The following RCOR1 variants were observed in gnomAD, a reference collection of about 807,000 sequenced individuals.
RCOR1 encodes REST corepressor.
RCOR1 carries 12 observed loss-of-function variants against 64.0 expected under a neutral mutation model. The observed-to-expected ratio is 0.19, with a 90% confidence interval of 0.12 to 0.30. RCOR1 has a LOEUF of 0.30. RCOR1 is among the 10% of genes least tolerant of loss of function. The pLI is 1.00. For missense variants in RCOR1, 502 were observed against 621.2 expected (o/e 0.81, Z 2.04); for synonymous variants, 279 against 227.2 (o/e 1.23, Z -2.05).
chr14:102,729,436 G>C lies in RCOR1; in HGVS notation c.*2930G>C, dbSNP rs569035210. The C allele has an allele frequency of 1.9e-5, 3 of 155,014 alleles. No individual in the cohort carries two copies. Among genetic ancestry groups the C allele is most frequent in the Non-Finnish European group, 4.3e-5 (3 of 69,722 alleles). The allele number at this position is 155,014 out of a possible 1,614,324, so 9.6% of individuals were successfully genotyped here. On this transcript the variant is annotated 3_prime_UTR_variant, in exon 12 of 12. Transcript: ENST00000262241. The stretch of plus-strand genomic sequence containing the variant: ...TACATTAGTGTTGGCACACAGTCGG[G>C]TGCTAGTGTAACACAAATGCCGCGT...
intron 3 of RCOR1, among the ~76,000 whole-genome samples, chr14:102,685,335 A>C (rs138384467): frequency 2.0e-5 from 3 of 151,954 alleles, no homozygotes; most frequent in African/African-American, 7.3e-5. Flanking sequence ...ACTAGTATGG[A>C]TGTATCATAA....
intron 2 of RCOR1, among the ~76,000 whole-genome samples, chr14:102,609,698 C>T (rs973346884): frequency 1.1e-4 from 17 of 151,740 alleles, no homozygotes; most frequent in Admixed American, 7.9e-4. Context: ...CTGCCTGTCT[C>T]GGCCTCCCAA....
intron 4 of RCOR1, among the ~76,000 whole-genome samples, chr14:102,704,067 C>A (rs1895801645): frequency 6.6e-6 from 1 of 152,220 alleles, no homozygotes; most frequent in Admixed American, 6.5e-5. Flanking sequence ...GGAGAAAGCT[C>A]CTCTTATCCA....
Position 102,708,546 on chromosome 14 carries a change from C to T in RCOR1, c.742C>T (p.Arg248Cys), listed in dbSNP as rs1895900693. The T allele has an allele frequency of 3.1e-6, 5 of 1,612,094 alleles. No individual in the cohort carries two copies. Among genetic ancestry groups the T allele is most frequent in the Non-Finnish European group, 4.2e-6 (5 of 1,178,532 alleles). Residue 248 changes from arginine to cysteine, a missense_variant, in exon 6 of 12, where the codon CGC (arginine) becomes TGC (cysteine). Arg to Cys is a radical substitution (Grantham distance 180). Around this residue, in one of 2 missense-constraint regions of RCOR1, gnomAD observed 260 missense variants for 416.4 expected, o/e 0.62. Transcript: ENST00000262241. ...KTRTKTSVMD[R>C]HARKQKRERE... is the part of the protein sequence containing the mutation. Reference sequence around the variant, plus strand: ...GAGGACTAAAACTAGTGTGATGGATCGCCATGCCCGGAAACAAAAACGGGA... The same window carrying T: ...GAGGACTAAAACTAGTGTGATGGATTGCCATGCCCGGAAACAAAAACGGGA...
At position 102,693,856 on chromosome 14, in the gene RCOR1, C is replaced by CT. The variant is rs535853423; in HGVS notation, c.446-7412dup. Among the ~76,000 whole-genome samples, 59 of 148,234 alleles carry CT rather than the reference C, an allele frequency of 4.0e-4. No homozygotes were observed. In the South Asian group the frequency reaches 4.9e-3, roughly 12 times the overall value. Reference sequence around the variant, plus strand: ...TTATCCATCACCTTAAGCATTTATGCTTTTTTTTTTAATCTTAAGAAATGG... The same window carrying CT: ...TTATCCATCACCTTAAGCATTTATGCTTTTTTTTTTTAATCTTAAGAAATGG... On this transcript the variant is annotated intron_variant, in intron 3 of 11. Coordinates refer to ENST00000262241, the MANE Select transcript of RCOR1 (RefSeq NM_015156.4).
intron 2 of RCOR1, among the ~76,000 whole-genome samples, chr14:102,598,075 G>A (rs1298000063): frequency 6.6e-6 from 1 of 152,136 alleles, no homozygotes; most frequent in Non-Finnish European, 1.5e-5. Flanking sequence ...GCCTGCCTTG[G>A]CCTCCCAGAG....
chr14:102,597,955 C>G (rs532435881), intron 2 of RCOR1, among the ~76,000 whole-genome samples: 82 of 151,780 alleles, frequency 5.4e-4, no homozygotes, highest in African/African-American at 1.9e-3. Context: ...CCCGAGTAGC[C>G]GGGATTACAG....
chr14:102,721,137 A>G (rs1166479030), intron 9 of RCOR1, 53 bp downstream of exon 9: 1 of 1,213,064 alleles, frequency 8.2e-7, no homozygotes, highest in Non-Finnish European at 1.2e-6. Context: ...TTACATGTTT[A>G]AGAATTTAAT....
rs66743592 is a variant in RCOR1, at chr14:102,602,394, CTT to C, written c.361+9087_361+9088del. On this transcript the variant is annotated intron_variant, in intron 2 of 11. Transcript: ENST00000262241. ...GCATTTTTTTCTTTTCTTTTCTTTT[CTT>C]TTTTTTTTTTTTTTTTTGGAGATGG... Among the ~76,000 whole-genome samples the C allele has an allele frequency of 5.9e-3, 612 of 104,200 alleles. 4 individuals are homozygous for C. Among genetic ancestry groups the C allele is most frequent in the African/African-American group, 0.021 (575 of 26,908 alleles). 68.4% of individuals were successfully genotyped at this position (104,200 alleles called of 152,430 possible).
At chr14:102,649,867 G>A in intron 2 of RCOR1, 1 of 796,138 alleles carries the variant, frequency 1.3e-6, no homozygotes, top group Non-Finnish European at 1.5e-6. Context: ...ACTTGGTTGT[G>A]TATGAAGGCA....
intron 2 of RCOR1, among the ~76,000 whole-genome samples, chr14:102,679,200 C>T (rs1254892527): frequency 6.6e-6 from 1 of 152,042 alleles, no homozygotes; most frequent in East Asian, 1.9e-4. Context: ...AATCCAAGGT[C>T]AAAAAGATTT....
At position 102,672,850 on chromosome 14, in the gene RCOR1, A is replaced by G. The variant is rs78108544; in HGVS notation, c.362-9045A>G. 2.7e-4 allele frequency among the ~76,000 whole-genome samples: 41 copies of G among 152,326 alleles called. No individual in the cohort carries two copies. In the East Asian group the frequency reaches 6.7e-3, roughly 25 times the overall value. On this transcript the variant is annotated intron_variant, in intron 2 of 11. Coordinates refer to ENST00000262241, the MANE Select transcript of RCOR1 (RefSeq NM_015156.4). The stretch of plus-strand genomic sequence containing the variant: ...TTCTGCTCCCAAACAGTTGACAAGT[A>G]AAATATAGCATTATAGAGTGAGAAA...
intron 8 of RCOR1, among the ~76,000 whole-genome samples, chr14:102,715,640 C>T (rs1052185483): frequency 2.0e-5 from 3 of 152,160 alleles, no homozygotes; most frequent in African/African-American, 7.2e-5. Context: ...GCCTCAGCCT[C>T]CCAAAGTGTA....
chr14:102,693,045 C>G (rs1895570319), intron 3 of RCOR1, among the ~76,000 whole-genome samples: 1 of 152,090 alleles, frequency 6.6e-6, no homozygotes, highest in African/African-American at 2.4e-5. Context: ...AGATTACAGG[C>G]CTGAGCTTCT....
intron 2 of RCOR1, among the ~76,000 whole-genome samples, chr14:102,640,307 G>T (rs1894340718): frequency 6.6e-6 from 1 of 152,178 alleles, no homozygotes; most frequent in Non-Finnish European, 1.5e-5. Context: ...TGAAATGGAA[G>T]ATAATGAGTT....
chr14:102,654,178 G>A (rs899204984), intron 2 of RCOR1, among the ~76,000 whole-genome samples: 1 of 151,348 alleles, frequency 6.6e-6, no homozygotes, highest in Admixed American at 6.6e-5. Flanking sequence ...GTAGAGACAG[G>A]GTTTCACCGT....
intron 2 of RCOR1, among the ~76,000 whole-genome samples, chr14:102,599,575 TA>T (rs1213678416): frequency 1.8e-4 from 28 of 152,210 alleles, no homozygotes; most frequent in Admixed American, 5.2e-4. Context: ...TAATCCAATG[TA>T]TTTAATCAGA....
rs1287529456 is a variant in RCOR1 at position 102,730,306 on chromosome 14, C to T, written c.*3800C>T. ...GTATATCTTTTGAAGTGATGAAATC[C>T]ACGTTGGAATTTTAAAGAAAATATG... On this transcript the variant is annotated 3_prime_UTR_variant, in exon 12 of 12. Coordinates refer to ENST00000262241, the MANE Select transcript of RCOR1 (RefSeq NM_015156.4). 3.3e-6 allele frequency: 1 copy of T among 299,412 alleles called. No individual in the cohort carries two copies. The highest frequency in any genetic ancestry group is 5.3e-5 in the East Asian group (1 of 18,752). 18.5% of individuals were successfully genotyped at this position (299,412 alleles called of 1,614,324 possible). A position where few individuals can be genotyped will look rare whatever the true frequency, so the allele number is the denominator to read the frequency against.
At chr14:102,617,331 G>A (rs745991486) in intron 2 of RCOR1, among the ~76,000 whole-genome samples, 34 of 152,156 alleles carry the variant, frequency 2.2e-4, no homozygotes, top group Non-Finnish European at 4.1e-4. Flanking sequence ...CGTTTCAAGA[G>A]CATAATTCCC....
Sources: allele counts gnomAD v4.1 joint callset (sites outside exome capture counted in the v4.1 genomes callset), GRCh38; gene constraint gnomAD v4.1.1; regional missense constraint gnomAD v4.1.1; transcripts MANE v1.5; gene names NCBI Gene and HGNC (gene_info 2026-07-23, HGNC 2026-07-21).